Variants in ROBO1 observed in about 807,000 individuals in gnomAD.
ROBO1 encodes roundabout homolog 1.
Under a neutral mutation model 195.9 loss-of-function variants are expected in ROBO1, and 149 were observed. That is an observed-to-expected ratio of 0.76 (90% CI 0.67 to 0.87). The LOEUF (loss-of-function observed/expected upper bound fraction) is 0.87, where lower values mean the gene tolerates loss of function less well. ROBO1 is among the 40% of genes least tolerant of loss of function. The pLI is 0.00. For missense variants in ROBO1, 1,933 were observed against 2,068.3 expected, an observed-to-expected ratio of 0.93 and a Z score of 1.27; for synonymous variants, 816 against 733.2, an observed-to-expected ratio of 1.11 and a Z score of -1.82.
At chr3:79,231,370 GA>G (rs1001862458) in intron 2 of ROBO1, among the ~76,000 whole-genome samples, 3 of 151,840 alleles carry the variant, frequency 2.0e-5, no homozygotes, top group African/African-American at 7.3e-5. Flanking sequence ...AAATTTATAA[GA>G]AAAAACCAAC....
chr3:78,701,468 T>G (rs1294561746), intron 8 of ROBO1, among the ~76,000 whole-genome samples: 1 of 152,184 alleles, frequency 6.6e-6, no homozygotes, highest in Admixed American at 6.5e-5. Context: ...TAAGCCCCCA[T>G]CCATGTCTAA....
intron 3 of ROBO1, among the ~76,000 whole-genome samples, chr3:79,098,656 T>C (rs565033764): frequency 1.3e-5 from 2 of 151,998 alleles, no homozygotes; most frequent in East Asian, 1.9e-4. Context: ...TATGTAGTCT[T>C]AAAAATAGAT....
In ROBO1 at chr3:79,419,167, T is replaced by C. The variant is rs564009805; in HGVS notation, c.88+170657A>G. Among the ~76,000 whole-genome samples, 5 of 152,252 alleles carry C rather than the reference T, an allele frequency of 3.3e-5. No homozygotes were observed. The South Asian group carries it at 1.0e-3, about 32-fold the overall frequency. ...GAGTCTAAGAGCAATGGGAAAATGG[T>C]ACAAGTTTTGAGCAAGTTTGAGAGA... On this transcript the variant is annotated intron_variant, in intron 2 of 30. Coordinates refer to ENST00000464233, the MANE Select transcript of ROBO1 (RefSeq NM_002941.4).
chr3:78,828,460 T>A (rs1184284996), intron 4 of ROBO1, among the ~76,000 whole-genome samples: 1 of 152,168 alleles, frequency 6.6e-6, no homozygotes, highest in Non-Finnish European at 1.5e-5. Context: ...CTTGCATGTA[T>A]CCAAGCATAA....
intron 1 of ROBO1, among the ~76,000 whole-genome samples, chr3:79,617,921 T>TA (rs56857468): frequency 3.2e-4 from 46 of 144,430 alleles, no homozygotes; most frequent in South Asian, 1.7e-3. Context: ...AGAGATATAT[T>TA]AAAAAAAAAA....
intron 1 of ROBO1, among the ~76,000 whole-genome samples, chr3:79,623,283 C>T (rs1316307155): frequency 1.3e-5 from 2 of 152,148 alleles, no homozygotes; most frequent in African/African-American, 4.8e-5. Flanking sequence ...GCCAGAATGT[C>T]TCTTCTCCTC....
intron 1 of ROBO1, among the ~76,000 whole-genome samples, chr3:79,694,771 A>G (rs978751354): frequency 6.6e-6 from 1 of 151,744 alleles, no homozygotes; most frequent in Non-Finnish European, 1.5e-5. Context: ...ACATTTCTTC[A>G]TATTAACAAG....
rs2078019482 is a variant in ROBO1, at chr3:79,018,665, C to T, written c.173-79738G>A. On this transcript the variant is annotated intron_variant, in intron 3 of 30. Transcript: ENST00000464233. Reference sequence around the variant, plus strand: ...CAGAGACTTTTGCAGAGGAAGAATTCCAAGGTTTGTCTTCTCCGGCCCCAG... The same window carrying T: ...CAGAGACTTTTGCAGAGGAAGAATTTCAAGGTTTGTCTTCTCCGGCCCCAG... 6 of 1,394,148 alleles carry T rather than the reference C, an allele frequency of 4.3e-6. No individual in the cohort carries two copies. The South Asian group carries it at 9.7e-5, about 22-fold the overall frequency. 86.4% of individuals were successfully genotyped at this position (1,394,148 alleles called of 1,614,324 possible). A position where few individuals can be genotyped will look rare whatever the true frequency, so the allele number is the denominator to read the frequency against.
chr3:79,177,881 C>G (rs190187592), intron 2 of ROBO1, among the ~76,000 whole-genome samples: 1 of 152,186 alleles, frequency 6.6e-6, no homozygotes, highest in Admixed American at 6.5e-5. Context: ...TCTGAACTCA[C>G]TTATAATTTA....
At chr3:78,675,836 C>G (rs545675800) in intron 10 of ROBO1, among the ~76,000 whole-genome samples, 1 of 152,054 alleles carries the variant, frequency 6.6e-6, no homozygotes, top group African/African-American at 2.4e-5. Flanking sequence ...TCTCCCAGCA[C>G]GCAGCTGGAG....
At chr3:79,434,274 C>T (rs543893818) in intron 2 of ROBO1, among the ~76,000 whole-genome samples, 29 of 152,290 alleles carry the variant, frequency 1.9e-4, no homozygotes, top group African/African-American at 6.0e-4. Flanking sequence ...TCAGAATGAA[C>T]AGGCAACCTA....
chr3:79,222,002 T>C (rs575153503), intron 2 of ROBO1, among the ~76,000 whole-genome samples: 1 of 152,084 alleles, frequency 6.6e-6, no homozygotes, highest in South Asian at 2.1e-4. Flanking sequence ...TGACAAAATC[T>C]GGGGGGCTTT....
intron 1 of ROBO1, among the ~76,000 whole-genome samples, chr3:79,613,559 A>C (rs1291939591): frequency 6.6e-6 from 1 of 152,086 alleles, no homozygotes; most frequent in African/African-American, 2.4e-5. Context: ...CATATCAATA[A>C]TTGCATGAAG....
At chr3:79,286,302 C>T (rs2031879111) in intron 2 of ROBO1, among the ~76,000 whole-genome samples, 6 of 152,144 alleles carry the variant, frequency 3.9e-5, no homozygotes, top group Admixed American at 3.9e-4. Context: ...ATTGATGTTA[C>T]ACTTCATATG....
chr3:79,405,989 A>G (rs1382201510), intron 2 of ROBO1, among the ~76,000 whole-genome samples: 1 of 152,184 alleles, frequency 6.6e-6, no homozygotes, highest in Admixed American at 6.6e-5. Context: ...GAAACACAAA[A>G]TTGGAAAAAT....
chr3:79,597,892 C>T (rs181938502), intron 1 of ROBO1, among the ~76,000 whole-genome samples: 1 of 152,150 alleles, frequency 6.6e-6, no homozygotes, highest in Non-Finnish European at 1.5e-5. Flanking sequence ...TGGCAAGATT[C>T]TCTAATTTGT....
chr3:78,732,996 A>G (rs2082316926), intron 5 of ROBO1, among the ~76,000 whole-genome samples: 2 of 152,124 alleles, frequency 1.3e-5, no homozygotes, highest in Admixed American at 6.6e-5. Flanking sequence ...AATTTATCAT[A>G]TTATCAAATT....
intron 2 of ROBO1, among the ~76,000 whole-genome samples, chr3:79,240,848 G>C (rs890315457): frequency 1.3e-5 from 2 of 151,858 alleles, no homozygotes; most frequent in African/African-American, 4.8e-5. Context: ...TTCTCATGTT[G>C]TCCAGGATGT....
intron 1 of ROBO1, among the ~76,000 whole-genome samples, chr3:79,600,106 ACCTT>A (rs1237113489): frequency 6.6e-6 from 1 of 151,994 alleles, no homozygotes; most frequent in African/African-American, 2.4e-5. Context: ...TGCCCACTTG[ACCTT>A]CAATCATATT....
Sources: allele counts gnomAD v4.1 joint callset (sites outside exome capture counted in the v4.1 genomes callset), GRCh38; gene constraint gnomAD v4.1.1; transcripts MANE v1.5; gene names NCBI Gene and HGNC (gene_info 2026-07-23, HGNC 2026-07-21).